Variants in EGFLAM observed in about 807,000 individuals in gnomAD.
The protein encoded by EGFLAM is EGF like, fibronectin type III and laminin G domains.
In EGFLAM, 79 loss-of-function variants were observed where a neutral mutation model predicts 113.1. That is an observed-to-expected ratio of 0.70 (90% CI 0.58 to 0.84). The LOEUF is 0.84. Among genes scored for constraint, EGFLAM ranks in the 40% least tolerant of loss-of-function variants. The pLI, the probability that EGFLAM is intolerant of heterozygous loss-of-function variation, is 0.00. For synonymous variants in EGFLAM, 504 were observed against 487.6 expected (o/e 1.03, Z -0.44); for missense variants, 1,265 against 1,291.6 (o/e 0.98, Z 0.32).
At chr5:38,370,515 C>A in intron 6 of EGFLAM, 53 bp downstream of exon 6, 5 of 1,574,570 alleles carry the variant, frequency 3.2e-6, no homozygotes, top group Non-Finnish European at 4.3e-6. Context: ...TCTGGGCTTG[C>A]CTCATGAAGA....
chr5:38,284,904 A>G (rs761357794), intron 1 of EGFLAM, among the ~76,000 whole-genome samples: 2 of 152,220 alleles, frequency 1.3e-5, no homozygotes, highest in African/African-American at 2.4e-5. Flanking sequence ...ATACATAAAC[A>G]GAAAGCTTTA....
At chr5:38,437,849 C>A (rs895567937) in intron 16 of EGFLAM, among the ~76,000 whole-genome samples, 2 of 152,046 alleles carry the variant, frequency 1.3e-5, no homozygotes, top group Non-Finnish European at 2.9e-5. Context: ...CTAGGCCTGG[C>A]GCGGTGGCTC....
In EGFLAM at chr5:38,463,935, C is replaced by T. The variant is rs368328873; in HGVS notation, c.2979C>T (p.Leu993=). ...TGTCCACCGATTACCACATTTCCCT[C>T]GTGGAAGATGCCGTGGATGGGAAAA... ...FTLSTDYHIS[L]VEDAVDGKNI... Residue 993 remains leucine (L), a synonymous_variant, in exon 22 of 22, where the codon CTC becomes CTT. Coordinates refer to ENST00000322350, the MANE Select transcript of EGFLAM (RefSeq NM_152403.4). The T allele has an allele frequency of 4.9e-5, 79 of 1,614,112 alleles. No homozygotes were observed. Among genetic ancestry groups the T allele is most frequent in the Non-Finnish European group, 6.1e-5 (72 of 1,180,052 alleles).
intron 6 of EGFLAM, chr5:38,403,647 C>G: frequency 1.2e-6 from 1 of 861,594 alleles, no homozygotes; most frequent in South Asian, 1.8e-5. Context: ...GGGCAGTGTG[C>G]TATTTCATCG....
chr5:38,366,095 A>T (rs546555466), intron 5 of EGFLAM, among the ~76,000 whole-genome samples: 1 of 152,266 alleles, frequency 6.6e-6, no homozygotes, highest in East Asian at 1.9e-4. Flanking sequence ...TCTGTCTCTT[A>T]TGTAAAGACA....
At chr5:38,267,619 T>C (rs1337623532) in intron 1 of EGFLAM, among the ~76,000 whole-genome samples, 1 of 152,154 alleles carries the variant, frequency 6.6e-6, no homozygotes, top group African/African-American at 2.4e-5. Flanking sequence ...ATCTCTACCC[T>C]GGGGGAGCTT....
chr5:38,385,339 C>A (rs1740633613), intron 6 of EGFLAM, among the ~76,000 whole-genome samples: 1 of 134,054 alleles, frequency 7.5e-6, no homozygotes, highest in South Asian at 2.5e-4. Flanking sequence ...GCTCAAGTCT[C>A]TTATATAAAA....
chr5:38,325,814 T>C (rs1049418600), intron 1 of EGFLAM, among the ~76,000 whole-genome samples: 9 of 152,194 alleles, frequency 5.9e-5, no homozygotes, highest in East Asian at 3.9e-4. Context: ...ATGGTTGTTA[T>C]CTCTGGAAGA....
intron 6 of EGFLAM, among the ~76,000 whole-genome samples, chr5:38,388,447 CT>C (rs1740720582): frequency 6.6e-6 from 1 of 152,070 alleles, no homozygotes; most frequent in Non-Finnish European, 1.5e-5. Context: ...TGGTGAAACC[CT>C]GTCTGTCTCT....
At chr5:38,278,238 A>G (rs1246252889) in intron 1 of EGFLAM, among the ~76,000 whole-genome samples, 1 of 152,200 alleles carries the variant, frequency 6.6e-6, no homozygotes. Context: ...GTAAATCCAC[A>G]CATTTATAGC....
chr5:38,280,002 T>A (rs1757975533), intron 1 of EGFLAM, among the ~76,000 whole-genome samples: 1 of 152,126 alleles, frequency 6.6e-6, no homozygotes. Flanking sequence ...ATCTTTCAAC[T>A]AACAAAAATT....
chr5:38,278,530 T>C (rs10805633), intron 1 of EGFLAM, among the ~76,000 whole-genome samples: 62,591 of 151,114 alleles, frequency 0.41, 13,481 homozygotes, highest in Middle Eastern at 0.58. Flanking sequence ...GCTCTGTCAC[T>C]CAGGCTGGAG....
intron 1 of EGFLAM, among the ~76,000 whole-genome samples, chr5:38,272,961 G>A (rs1343668625): frequency 1.3e-5 from 2 of 151,966 alleles, no homozygotes; most frequent in Non-Finnish European, 2.9e-5. Context: ...GGTGGAATAG[G>A]ACTCTCCAGC....
At chr5:38,320,713 G>A (rs1255386203) in intron 1 of EGFLAM, among the ~76,000 whole-genome samples, 4 of 151,896 alleles carry the variant, frequency 2.6e-5, no homozygotes, top group Non-Finnish European at 5.9e-5. Flanking sequence ...GTAAGACAGC[G>A]GTCCCCAACC....
In EGFLAM at chr5:38,448,366, G is replaced by C; in HGVS notation, c.2530G>C (p.Asp844His). Reference protein sequence around the residue: ...GRSYLTYDNPDILKRVSGSRS... With the variant: ...GRSYLTYDNPHILKRVSGSRS... ...CAGTTACCTGACGTATGACAACCCA[G>C]ATATCTTGAAGAGGTAATAAGCTTC... Residue 844 changes from aspartate to histidine, a missense_variant, in exon 18 of 22, where the codon GAT (aspartate) becomes CAT (histidine). Physicochemically the swap from Asp to His is moderately conservative, Grantham distance 81 (BLOSUM62 -1). Transcript: ENST00000322350. 6.2e-7 allele frequency: 1 copy of C among 1,614,148 alleles called. No individual in the cohort carries two copies. The highest frequency in any genetic ancestry group is 1.1e-5 in the South Asian group (1 of 91,078).
chr5:38,390,112 C>T (rs976767762), intron 6 of EGFLAM, among the ~76,000 whole-genome samples: 6 of 152,096 alleles, frequency 3.9e-5, no homozygotes. Context: ...TGAGTACTTC[C>T]CAACACTATT....
chr5:38,455,763 G>T (rs1743066861), intron 19 of EGFLAM, among the ~76,000 whole-genome samples: 2 of 152,140 alleles, frequency 1.3e-5, no homozygotes, highest in South Asian at 2.1e-4. Context: ...GTTCACGGTT[G>T]ACTCCCTAGA....
At chr5:38,295,529 C>T (rs1339649160) in intron 1 of EGFLAM, among the ~76,000 whole-genome samples, 1 of 152,112 alleles carries the variant, frequency 6.6e-6, no homozygotes, top group Non-Finnish European at 1.5e-5. Context: ...TTAGAAGACT[C>T]TCATTATTTC....
chr5:38,321,953 T>C (rs1738753928), intron 1 of EGFLAM, among the ~76,000 whole-genome samples: 1 of 152,216 alleles, frequency 6.6e-6, no homozygotes, highest in African/African-American at 2.4e-5. Flanking sequence ...GACAAATATA[T>C]AGTACACTTT....
Sources: gnomAD v4.1 joint callset for allele counts (sites outside exome capture counted in the v4.1 genomes callset) on GRCh38, gnomAD v4.1.1 for gene constraint, MANE v1.5 for transcripts, NCBI Gene and HGNC (gene_info 2026-07-23, HGNC 2026-07-21) for gene names.